Variants in BBS4 observed in about 807,000 individuals in gnomAD.
The protein encoded by BBS4 is Bardet-Biedl syndrome 4.
In BBS4, 58 loss-of-function variants were observed where a neutral mutation model predicts 71.4. That is an observed-to-expected ratio of 0.81 (90% CI 0.66 to 1.01). The LOEUF is 1.01. BBS4 is among the 50% of genes least tolerant of loss of function. The pLI, the probability that BBS4 is intolerant of heterozygous loss-of-function variation, is 0.00. For synonymous variants in BBS4, 228 were observed against 216.8 expected (o/e 1.05, Z -0.46); for missense variants, 660 against 607.9 (o/e 1.09, Z -0.90).
intron 12 of BBS4, among the ~76,000 whole-genome samples, chr15:72,734,551 T>G (rs777385221): frequency 6.6e-6 from 1 of 152,204 alleles, no homozygotes; most frequent in Non-Finnish European, 1.5e-5. Flanking sequence ...CCAGCTGTCT[T>G]CCTAGATCTC....
chr15:72,735,649 C>A (rs2065906561), intron 13 of BBS4, 176 bp from the exon 14 acceptor site: 6 of 811,304 alleles, frequency 7.4e-6, no homozygotes, highest in Non-Finnish European at 1.2e-5. Context: ...CTTGTTAGGC[C>A]ATTAACTCCT....
intron 2 of BBS4, among the ~76,000 whole-genome samples, chr15:72,708,483 G>A (rs1278597563): frequency 6.6e-6 from 1 of 152,080 alleles, no homozygotes; most frequent in Non-Finnish European, 1.5e-5. Flanking sequence ...TCACCTCAGG[G>A]CCACTATGAT....
chr15:72,718,575 G>C (rs17826767), intron 6 of BBS4, among the ~76,000 whole-genome samples: 2,666 of 152,284 alleles, frequency 0.018, 43 homozygotes, highest in Middle Eastern at 0.031. Context: ...CTGTACATCG[G>C]AAGATTGAGT....
At chr15:72,715,001 T>C (rs369806519) in intron 4 of BBS4, among the ~76,000 whole-genome samples, 3 of 152,216 alleles carry the variant, frequency 2.0e-5, no homozygotes, top group East Asian at 1.9e-4. Flanking sequence ...GTGAAGAGTT[T>C]GTGTGATAAT....
intron 12 of BBS4, 122 bp from the exon 13 acceptor site, chr15:72,734,991 G>C (rs1265810619): frequency 4.1e-6 from 3 of 729,160 alleles, no homozygotes; most frequent in African/African-American, 3.5e-5. Context: ...AGGTATCTAA[G>C]CTGACTTAGT....
At chr15:72,734,262 A>C (rs1595951014) in intron 12 of BBS4, among the ~76,000 whole-genome samples, 1 of 152,222 alleles carries the variant, frequency 6.6e-6, no homozygotes, top group Non-Finnish European at 1.5e-5. Context: ...AGAAATGTAA[A>C]CAGCCATAAT....
At chr15:72,686,737 G>C in intron 1 of BBS4, 1 of 433,066 alleles carries the variant, frequency 2.3e-6, no homozygotes, top group Non-Finnish European at 4.2e-6. Context: ...AGGCTGAGTT[G>C]GGCGTTCACT....
chr15:72,735,390 C>G (rs1173280336), intron 13 of BBS4: 7 of 599,584 alleles, frequency 1.2e-5, no homozygotes, highest in Non-Finnish European at 1.8e-5. Context: ...GTTTCCAGTC[C>G]TAAACTGAGT....
At chr15:72,704,898 A>G (rs961127793) in intron 2 of BBS4, among the ~76,000 whole-genome samples, 1 of 152,090 alleles carries the variant, frequency 6.6e-6, no homozygotes, top group African/African-American at 2.4e-5. Flanking sequence ...AAAACAAAAC[A>G]AAACAAAACA....
chr15:72,716,634 A>G, intron 5 of BBS4, 144 bp from the exon 6 acceptor site: 1 of 677,728 alleles, frequency 1.5e-6, no homozygotes. Context: ...TAGCAGCTTC[A>G]CTGACCAAAC....
Position 72,737,629 on chromosome 15 carries a change from GGATGTGC to G in BBS4, c.*43_*49del. The G allele has an allele frequency of 6.9e-7, 1 of 1,455,088 alleles. No individual in the cohort carries two copies. Among genetic ancestry groups the G allele is most frequent in the South Asian group, 1.2e-5 (1 of 82,404 alleles). 90.1% of individuals were successfully genotyped at this position (1,455,088 alleles called of 1,614,324 possible). A position where few individuals can be genotyped will look rare whatever the true frequency, so the allele number is the denominator to read the frequency against. On this transcript the variant is annotated 3_prime_UTR_variant, in exon 16 of 16. Coordinates refer to ENST00000268057, the MANE Select transcript of BBS4 (RefSeq NM_033028.5). ...CCCAAAATAGGGTTTTCTTGGGCGA[GGATGTGC>G]TGGATTAGGAAAGGTGACATGACAC...
chr15:72,735,203 G>T, intron 13 of BBS4, 21 bp downstream of exon 13: 2 of 1,596,184 alleles, frequency 1.3e-6, no homozygotes, highest in South Asian at 2.2e-5. Flanking sequence ...TGTTGAGAAT[G>T]GTACTGGCGG....
At chr15:72,714,091 G>A (rs956496674) in intron 4 of BBS4, among the ~76,000 whole-genome samples, 6 of 152,086 alleles carry the variant, frequency 3.9e-5, no homozygotes, top group African/African-American at 1.4e-4. Context: ...CAAGCTAAAA[G>A]AGATGAAGAA....
At chr15:72,725,057 T>TATATATATATAG (rs369692212) in intron 8 of BBS4, among the ~76,000 whole-genome samples, 1 of 127,662 alleles carries the variant, frequency 7.8e-6, no homozygotes, top group African/African-American at 3.0e-5. Context: ...TATATATATA[T>TATATATATATAG]AGAGAGAGAG....
chr15:72,689,603 C>T (rs1384568355), intron 1 of BBS4, among the ~76,000 whole-genome samples: 2 of 151,748 alleles, frequency 1.3e-5, no homozygotes, highest in Non-Finnish European at 1.5e-5. Context: ...CGTGGTGGCA[C>T]GCGCCTGTCT....
At chr15:72,712,436 A>G in intron 4 of BBS4, 129 bp downstream of exon 4, 2 of 912,580 alleles carry the variant, frequency 2.2e-6, no homozygotes, top group Non-Finnish European at 1.7e-6. Flanking sequence ...GATATGTTCT[A>G]AGAAATGTGT....
intron 12 of BBS4, 95 bp downstream of exon 12, chr15:72,731,821 C>T (rs971778975): frequency 2.8e-5 from 41 of 1,471,796 alleles, no homozygotes; most frequent in Middle Eastern, 1.7e-4. Context: ...CTCATAGGAG[C>T]CATTCCCTTA....
intron 12 of BBS4, 52 bp downstream of exon 12, chr15:72,731,778 A>T: frequency 6.2e-7 from 1 of 1,601,392 alleles, no homozygotes; most frequent in African/African-American, 1.3e-5. Context: ...ATGAGGGAAA[A>T]ATGGATTAGA....
chr15:72,732,525 G>A (rs2065845437), intron 12 of BBS4, among the ~76,000 whole-genome samples: 2 of 152,022 alleles, frequency 1.3e-5, no homozygotes, highest in Non-Finnish European at 2.9e-5. Flanking sequence ...TTTGGCAGTC[G>A]TCTTCCAGTG....
Sources: allele counts gnomAD v4.1 joint callset (sites outside exome capture counted in the v4.1 genomes callset), GRCh38; gene constraint gnomAD v4.1.1; transcripts MANE v1.5; gene names NCBI Gene and HGNC (gene_info 2026-07-23, HGNC 2026-07-21).